Variants in PRKN observed in about 807,000 individuals in gnomAD.
The protein encoded by PRKN is parkin RBR E3 ubiquitin protein ligase, also known as E3 ubiquitin-protein ligase parkin.
PRKN carries 56 observed loss-of-function variants against 59.5 expected under a neutral mutation model. The observed-to-expected ratio is 0.94, with a 90% CI of 0.76 to 1.18. The LOEUF (loss-of-function observed/expected upper bound fraction) is 1.18. Among genes scored for constraint, PRKN ranks in the 50% most tolerant of loss-of-function variants. The pLI, the probability that PRKN is intolerant of heterozygous loss-of-function variation, is 0.00. For missense variants in PRKN, 657 were observed against 596.4 expected (o/e 1.10, Z -1.06); for synonymous variants, 250 against 222.1 (o/e 1.13, Z -1.12).
At chr6:162,400,457 C>CAAAAAAAAAAAAAAAAA (rs3081908) in intron 2 of PRKN, among the ~76,000 whole-genome samples, 4 of 98,660 alleles carry the variant, frequency 4.1e-5, no homozygotes, top group Admixed American at 1.2e-4. Flanking sequence ...ATGTAAATAT[C>CAAAAAAAAAAAAAAAAA]AAAAAAAAAA....
Position 161,348,068 on chromosome 6 carries a change from G to T in PRKN, c.*2031C>A, listed in dbSNP as rs939124630. 1 of 185,678 alleles carries T rather than the reference G, an allele frequency of 5.4e-6. No individual in the cohort carries two copies. The highest frequency in any genetic ancestry group is 1.1e-5 in the Non-Finnish European group (1 of 87,806). 11.5% of individuals were successfully genotyped at this position (185,678 alleles called of 1,614,324 possible). ...TGGGAGCAAACCTTGTTCAGGCACC[G>T]CAAGCCCAACGCAGCATGCAGATTG... On this transcript the variant is annotated 3_prime_UTR_variant, in exon 12 of 12. Coordinates refer to ENST00000366898, the MANE Select transcript of PRKN (RefSeq NM_004562.3). This position sits in a 1 kb window ranked among gnomAD's most constrained non-coding sequence, Gnocchi z 4.9.
At chr6:161,443,806 C>T (rs1238765732) in intron 9 of PRKN, among the ~76,000 whole-genome samples, 1 of 152,214 alleles carries the variant, frequency 6.6e-6, no homozygotes, top group Non-Finnish European at 1.5e-5. Flanking sequence ...CCCCGGTAGG[C>T]AGAGCCAAGG....
chr6:162,422,637 T>C (rs1789027110), intron 2 of PRKN, among the ~76,000 whole-genome samples: 2 of 152,126 alleles, frequency 1.3e-5, no homozygotes, highest in South Asian at 2.1e-4. Context: ...AAATGGCTTA[T>C]AGGACATTAA....
chr6:162,417,367 C>G (rs1345516102), intron 2 of PRKN, among the ~76,000 whole-genome samples: 2 of 152,190 alleles, frequency 1.3e-5, no homozygotes, highest in East Asian at 3.9e-4. Flanking sequence ...CTGCCCCCGG[C>G]AGCCGGGCAT....
intron 4 of PRKN, among the ~76,000 whole-genome samples, chr6:162,087,570 G>A (rs1413818504): frequency 6.6e-6 from 1 of 150,524 alleles, no homozygotes; most frequent in East Asian, 2.0e-4. Flanking sequence ...AGGGCCTACA[G>A]GTGCTTAGAG....
chr6:162,248,288 T>C (rs1779282556), intron 3 of PRKN, among the ~76,000 whole-genome samples: 1 of 152,164 alleles, frequency 6.6e-6, no homozygotes, highest in African/African-American at 2.4e-5. Context: ...ATATATATGT[T>C]CTTACTCTCC....
intron 7 of PRKN, among the ~76,000 whole-genome samples, chr6:161,707,055 C>G (rs13220282): frequency 0.45 from 68,803 of 151,656 alleles, 15,953 homozygotes; most frequent in Admixed American, 0.61. Flanking sequence ...TCAATTTTTC[C>G]TGTCTCATTG....
At chr6:162,398,792 T>C (rs1373887202) in intron 2 of PRKN, among the ~76,000 whole-genome samples, 1 of 152,240 alleles carries the variant, frequency 6.6e-6, no homozygotes, top group Non-Finnish European at 1.5e-5. Flanking sequence ...TATTACATGA[T>C]GTGGCAAATG....
At chr6:161,637,424 C>CAA (rs111543575) in intron 7 of PRKN, among the ~76,000 whole-genome samples, 1 of 135,232 alleles carries the variant, frequency 7.4e-6, no homozygotes, top group East Asian at 2.1e-4. Context: ...ATTCCTGTGG[C>CAA]AAAAAAAAAA....
In PRKN at chr6:162,654,389, C is replaced by T. The variant is rs144941433; in HGVS notation, c.7+73273G>A. Among the ~76,000 whole-genome samples, 4 of 152,298 alleles carry T rather than the reference C, an allele frequency of 2.6e-5. No individual in the cohort carries two copies. The East Asian group carries it at 7.7e-4, about 29-fold the overall frequency. On this transcript the variant is annotated intron_variant, in intron 1 of 11. Transcript: ENST00000366898. ...ATTAAGTTATTTGCATAAAATCACA[C>T]AGCTGTTAAGTAACAGTGGCAGGTT... is the stretch of plus-strand genomic sequence containing the variant.
At chr6:162,281,318 T>C (rs1780896320) in intron 2 of PRKN, among the ~76,000 whole-genome samples, 1 of 152,006 alleles carries the variant, frequency 6.6e-6, no homozygotes, top group South Asian at 2.1e-4. Flanking sequence ...CTAATGTAAA[T>C]GATGAGCTGA....
At chr6:162,115,755 G>C (rs1358772248) in intron 4 of PRKN, among the ~76,000 whole-genome samples, 1 of 152,112 alleles carries the variant, frequency 6.6e-6, no homozygotes, top group African/African-American at 2.4e-5. Flanking sequence ...TCTGGAGATA[G>C]ATAAAAGCGG....
chr6:161,816,949 G>C (rs918414100), intron 6 of PRKN, among the ~76,000 whole-genome samples: 1 of 152,040 alleles, frequency 6.6e-6, no homozygotes, highest in Non-Finnish European at 1.5e-5. Context: ...CCTGCAAAAG[G>C]GAACTGAAAA....
chr6:161,536,745 A>G (rs1779428823), intron 9 of PRKN, among the ~76,000 whole-genome samples: 3 of 152,236 alleles, frequency 2.0e-5, no homozygotes, highest in Admixed American at 2.0e-4. Context: ...GAATATTAAA[A>G]GCATACCCAG....
At chr6:162,053,826 A>G (rs555531355) in intron 5 of PRKN, among the ~76,000 whole-genome samples, 1 of 152,282 alleles carries the variant, frequency 6.6e-6, no homozygotes, top group South Asian at 2.1e-4. Flanking sequence ...TTCTATGGAT[A>G]TAACTTTGCA....
chr6:161,772,186 G>A (rs568798243), intron 7 of PRKN, among the ~76,000 whole-genome samples: 1 of 152,192 alleles, frequency 6.6e-6, no homozygotes, highest in South Asian at 2.1e-4. Flanking sequence ...GAACCTGTCT[G>A]CACCAGGAAT....
chr6:162,681,265 C>T (rs1779758641), intron 1 of PRKN, among the ~76,000 whole-genome samples: 1 of 152,046 alleles, frequency 6.6e-6, no homozygotes, highest in South Asian at 2.1e-4. Flanking sequence ...AAAATAGATA[C>T]AACTCAGGAA....
intron 4 of PRKN, among the ~76,000 whole-genome samples, chr6:162,106,124 TGTCGTTCAAA>T (rs1379896240): frequency 6.6e-6 from 1 of 152,240 alleles, no homozygotes; most frequent in Non-Finnish European, 1.5e-5. Flanking sequence ...AGTTAAAGTA[TGTCGTTCAAA>T]GTAACAATGC....
chr6:161,558,128 G>A (rs111621441), intron 8 of PRKN, among the ~76,000 whole-genome samples: 9 of 152,246 alleles, frequency 5.9e-5, no homozygotes, highest in Non-Finnish European at 8.8e-5. Flanking sequence ...ATGTGGCCTC[G>A]GAGCCACAAA....
Sources: gnomAD v4.1 joint callset for allele counts (sites outside exome capture counted in the v4.1 genomes callset) on GRCh38, gnomAD v4.1.1 for gene constraint, Gnocchi (gnomAD v3.1) non-coding constraint, MANE v1.5 for transcripts, NCBI Gene and HGNC (gene_info 2026-07-23, HGNC 2026-07-21) for gene names.